The following SRA1 variants were observed in gnomAD, a reference collection of about 807,000 sequenced individuals.
SRA1 encodes lncRNA SRA.
SRA1 carries 25 observed loss-of-function variants against 24.3 expected under a neutral mutation model. That is an observed-to-expected ratio of 1.03 (90% CI 0.75 to 1.43). The LOEUF is 1.43. SRA1 is among the 40% of genes most tolerant of loss of function. The pLI is 0.00. For missense variants in SRA1, 303 were observed against 286.6 expected (o/e 1.06, Z -0.41); for synonymous variants, 104 against 109.5 (o/e 0.95, Z 0.31).
At chr5:140,551,205 C>A (rs1241010545) in intron 3 of SRA1, 36 bp from the exon 4 acceptor site, 1 of 1,549,940 alleles carries the variant, frequency 6.5e-7, no homozygotes, top group Non-Finnish European at 8.9e-7. Context: ...TTCAGTGCTG[C>A]CAGCCCAATG....
At chr5:140,552,251 C>A (rs1754585973) in intron 2 of SRA1, 67 bp from the exon 3 acceptor site, 1 of 1,241,396 alleles carries the variant, frequency 8.1e-7, no homozygotes. Context: ...CTAAATTCAC[C>A]CCTTCTAAGA....
At chr5:140,557,329 G>A (rs1754747484) in intron 1 of SRA1, 57 bp from the exon 2 acceptor site, 2 of 1,604,840 alleles carry the variant, frequency 1.2e-6, no homozygotes, top group Non-Finnish European at 1.7e-6. Flanking sequence ...AGCTTATACT[G>A]GGGCTGGGGG....
upstream of SRA1, chr5:140,557,781 G>T: frequency 2.1e-6 from 1 of 482,144 alleles, no homozygotes; most frequent in Non-Finnish European, 3.7e-6. Context: ...GATCTAGCCA[G>T]GTTGACTTCT....
At chr5:140,553,467 G>C (rs1754616419) in intron 2 of SRA1, among the ~76,000 whole-genome samples, 1 of 152,318 alleles carries the variant, frequency 6.6e-6, no homozygotes, top group East Asian at 1.9e-4. Context: ...CCAAGAAGCA[G>C]GAAAACTTTT....
At chr5:140,556,738 A>G (rs1484779782) in intron 2 of SRA1, among the ~76,000 whole-genome samples, 1 of 151,850 alleles carries the variant, frequency 6.6e-6, no homozygotes, top group Non-Finnish European at 1.5e-5. Flanking sequence ...AGAAGTGCTC[A>G]GTAAATAACA....
Position 140,557,172 on chromosome 5 carries a change from G to A in SRA1, c.126C>T (p.Ala42=). 6.2e-7 allele frequency: 1 copy of A among 1,612,638 alleles called. No individual in the cohort carries two copies. Among genetic ancestry groups the A allele is most frequent in the Admixed American group, 1.7e-5 (1 of 59,912 alleles). ...CTCTGGGGGATCCATCCTGGGGTGC[G>A]GCGACCCTCTTGGTAAGCAGCGAGC... ...PRRSLLTKRV[A]APQDGSPRVP... The change falls in exon 2 of 5, where the codon GCC becomes GCT. Residue 42 remains alanine (A), a synonymous_variant. Transcript: ENST00000336283.
At position 140,557,099 on chromosome 5, in the gene SRA1, C is replaced by T. The variant is rs765272353; in HGVS notation, c.151+48G>A. 20 of 843,200 alleles carry T rather than the reference C, an allele frequency of 2.4e-5. 1 individual carries two copies. The highest frequency in any genetic ancestry group is 2.7e-4 in the Middle Eastern group (1 of 3,692). The allele number at this position is 843,200 out of a possible 1,614,324, so 52.2% of individuals were successfully genotyped here. A position where few individuals can be genotyped will look rare whatever the true frequency, so the allele number is the denominator to read the frequency against. Reference sequence around the variant, plus strand: ...CCAAACAGGCTTATGCCTTACACCCCCCCCCCCCCATTCTCCGTCTGTCTC... The same window carrying T: ...CCAAACAGGCTTATGCCTTACACCCTCCCCCCCCCATTCTCCGTCTGTCTC... On this transcript the variant is annotated intron_variant, in intron 2 of 4. Transcript: ENST00000336283.
At chr5:140,551,214 T>C (rs1485047580) in intron 3 of SRA1, 45 bp from the exon 4 acceptor site, 6 of 1,497,178 alleles carry the variant, frequency 4.0e-6, no homozygotes, top group Non-Finnish European at 5.6e-6. Context: ...GCCAGCCCAA[T>C]GAGGGGAGGA....
chr5:140,550,785 AAC>A lies in SRA1; in HGVS notation c.588_589del (p.Ser198ArgfsTer6). Reference sequence around the variant, plus strand: ...CTCTTCATTGGCTGCCTCCTCTGAAAACAGACTCCTCTTTTCTGCAATTAATC... The same window carrying A: ...CTCTTCATTGGCTGCCTCCTCTGAAAAGACTCCTCTTTTCTGCAATTAATC... On this transcript the variant is annotated frameshift_variant, in exon 5 of 5. Transcript: ENST00000336283. LOFTEE classifies it high-confidence loss of function. 1 of 1,614,120 alleles carries A rather than the reference AAC, an allele frequency of 6.2e-7. No individual in the cohort carries two copies. The highest frequency in any genetic ancestry group is 8.5e-7 in the Non-Finnish European group (1 of 1,180,022).
At chr5:140,554,892 C>A (rs1425107406) in intron 2 of SRA1, among the ~76,000 whole-genome samples, 3 of 151,866 alleles carry the variant, frequency 2.0e-5, no homozygotes, top group Non-Finnish European at 4.4e-5. Flanking sequence ...TTCCTTGTCG[C>A]TCTTTTTTTT....
chr5:140,557,931 T>G (rs1754773234), upstream of SRA1: 1 of 187,890 alleles, frequency 5.3e-6, no homozygotes, highest in African/African-American at 2.4e-5. Flanking sequence ...AGGTTAAGTG[T>G]CTCACTTGAG....
chr5:140,555,952 TA>T (rs1468147801), intron 2 of SRA1, among the ~76,000 whole-genome samples: 1 of 152,232 alleles, frequency 6.6e-6, no homozygotes, highest in African/African-American at 2.4e-5. Context: ...TCCACTTCCC[TA>T]AAATCTTGTT....
At chr5:140,551,214 T>A in intron 3 of SRA1, 45 bp from the exon 4 acceptor site, 1 of 1,497,178 alleles carries the variant, frequency 6.7e-7, no homozygotes, top group East Asian at 2.3e-5. Context: ...GCCAGCCCAA[T>A]GAGGGGAGGA....
At chr5:140,555,061 T>G (rs1754656848) in intron 2 of SRA1, among the ~76,000 whole-genome samples, 1 of 151,980 alleles carries the variant, frequency 6.6e-6, no homozygotes, top group Non-Finnish European at 1.5e-5. Flanking sequence ...GTATTTTTAG[T>G]AGAGACAGGG....
At chr5:140,552,260 G>T in intron 2 of SRA1, 76 bp from the exon 3 acceptor site, 1 of 1,115,786 alleles carries the variant, frequency 9.0e-7, no homozygotes, top group Non-Finnish European at 1.3e-6. Flanking sequence ...CCCCTTCTAA[G>T]AAGGGCTACT....
At chr5:140,557,991 ATCT>A (rs1754774851), upstream of SRA1, 1 of 172,924 alleles carries the variant, frequency 5.8e-6, no homozygotes, top group South Asian at 1.2e-4. Context: ...ATTACATCAC[ATCT>A]TCTGCCTTAT....
rs1196631163 is a variant in SRA1, at chr5:140,557,466, T to G, written c.-14A>C. On this transcript the variant is annotated 5_prime_UTR_variant, in exon 1 of 5. Coordinates refer to ENST00000336283, the MANE Select transcript of SRA1 (RefSeq NM_001035235.4). ...CAGCTCCGCCATCTCCACTTCCGCT[T>G]GGCCAGCGGGGCAGCGCGTCATTTC... 1 of 1,554,932 alleles carries G rather than the reference T, an allele frequency of 6.4e-7. No homozygotes were observed. The highest frequency in any genetic ancestry group is 8.7e-7 in the Non-Finnish European group (1 of 1,151,080).
At position 140,551,117 on chromosome 5, in the gene SRA1, C is replaced by T. The variant is rs770425385; in HGVS notation, c.407G>A (p.Trp136Ter). The T allele has an allele frequency of 6.2e-7, 1 of 1,614,192 alleles. No homozygotes were observed. The highest frequency in any genetic ancestry group is 1.1e-5 in the South Asian group (1 of 91,080). Residue 136 changes from tryptophan to a stop codon, truncating the protein, a stop_gained, in exon 4 of 5, where the codon TGG becomes TAG. Transcript: ENST00000336283. LOFTEE classifies it high-confidence loss of function. Reference protein sequence around the residue: ...SRRLALLQEQWAGGKLSIPVK... With the variant: ...SRRLALLQEQ ...AGGTATTGACAACTTTCCTCCAGCC[C>T]ACTGTTCCTGCAGCAGTGCCAGGCG...
chr5:140,556,382 A>G (rs1213793767), intron 2 of SRA1, among the ~76,000 whole-genome samples: 1 of 152,228 alleles, frequency 6.6e-6, no homozygotes, highest in Non-Finnish European at 1.5e-5. Flanking sequence ...AACTTTATGT[A>G]GATTAAAATA....
Sources: gnomAD v4.1 joint callset for allele counts (sites outside exome capture counted in the v4.1 genomes callset) on GRCh38, gnomAD v4.1.1 for gene constraint, MANE v1.5 for transcripts, NCBI Gene and HGNC (gene_info 2026-07-23, HGNC 2026-07-21) for gene names.